The following SPIDR variants were observed in gnomAD, a reference collection of about 807,000 sequenced individuals.
The protein encoded by SPIDR is DNA repair-scaffolding protein.
In SPIDR, 93 loss-of-function variants were observed where a neutral mutation model predicts 104.6. The ratio of observed to expected loss-of-function variants is 0.89; its 90% CI spans 0.75 to 1.06. The LOEUF is 1.06. Among genes scored for constraint, SPIDR ranks in the 50% least tolerant of loss-of-function variants. SPIDR has a pLI of 0.00. For missense variants in SPIDR, 1,154 were observed against 1,111.2 expected, an observed-to-expected ratio of 1.04 and a Z score of -0.55; for synonymous variants, 431 against 416.9, an observed-to-expected ratio of 1.03 and a Z score of -0.41.
intron 8 of SPIDR, among the ~76,000 whole-genome samples, chr8:47,586,513 T>C (rs1000351758): frequency 6.6e-6 from 1 of 152,256 alleles, no homozygotes; most frequent in Non-Finnish European, 1.5e-5. Flanking sequence ...CTTGTGCTAA[T>C]GTGCCATTTA....
intron 8 of SPIDR, among the ~76,000 whole-genome samples, chr8:47,545,739 C>T (rs1301866343): frequency 1.3e-5 from 2 of 151,924 alleles, no homozygotes; most frequent in Admixed American, 6.6e-5. Context: ...TCAGTCTTTC[C>T]CCAATAAATA....
chr8:47,653,926 A>G (rs2072184322), intron 10 of SPIDR: 1 of 958,710 alleles, frequency 1.0e-6, no homozygotes, highest in African/African-American at 1.8e-5. Context: ...CACTATGGGA[A>G]TAAGAGAAGT....
At chr8:47,495,673 C>T (rs1344191553) in intron 8 of SPIDR, among the ~76,000 whole-genome samples, 1 of 152,042 alleles carries the variant, frequency 6.6e-6, no homozygotes, top group Admixed American at 6.6e-5. Context: ...AGTTTTAGCT[C>T]TTCCTTTTAG....
In SPIDR at chr8:47,519,123, T is replaced by TTTGTTGTTGTTGTTG. The variant is rs371410579; in HGVS notation, c.1098-76667_1098-76653dup. Among the ~76,000 whole-genome samples the TTTGTTGTTGTTGTTG allele has an allele frequency of 3.3e-5, 5 of 151,098 alleles. No individual in the cohort carries two copies. The East Asian group carries it at 9.8e-4, about 30-fold the overall frequency. On this transcript the variant is annotated intron_variant, in intron 8 of 19. Coordinates refer to ENST00000297423, the MANE Select transcript of SPIDR (RefSeq NM_001080394.4). ...ACAGTTCTCTGACCTGGCTATGTGT[T>TTTGTTGTTGTTGTTG]TTGTTGTTGTTGTTGTTGTTGTTGT...
intron 6 of SPIDR, among the ~76,000 whole-genome samples, chr8:47,406,758 A>C (rs1339779166): frequency 6.6e-6 from 1 of 152,198 alleles, no homozygotes; most frequent in East Asian, 1.9e-4. Flanking sequence ...CACGTGCTGC[A>C]CTAAGTCCAT....
intron 8 of SPIDR, among the ~76,000 whole-genome samples, chr8:47,536,653 T>C (rs1259047576): frequency 6.6e-6 from 1 of 152,178 alleles, no homozygotes; most frequent in Non-Finnish European, 1.5e-5. Context: ...TGTGAAACTA[T>C]AAAACTAGAA....
At chr8:47,571,888 T>C (rs559384899) in intron 8 of SPIDR, among the ~76,000 whole-genome samples, 11 of 152,302 alleles carry the variant, frequency 7.2e-5, no homozygotes, top group African/African-American at 2.2e-4. Flanking sequence ...TACCTTGGTG[T>C]TCTGAGGATA....
intron 5 of SPIDR, among the ~76,000 whole-genome samples, chr8:47,364,744 CA>C (rs370937453): frequency 3.0e-4 from 45 of 151,678 alleles, no homozygotes; most frequent in African/African-American, 1.1e-3. Context: ...CCTGATAATC[CA>C]AAAAAAAGTC....
chr8:47,506,430 T>C (rs2081489674), intron 8 of SPIDR, among the ~76,000 whole-genome samples: 1 of 152,210 alleles, frequency 6.6e-6, no homozygotes, highest in East Asian at 1.9e-4. Flanking sequence ...GTGCAGGTTC[T>C]CAGGGTGATC....
chr8:47,485,551 C>G (rs1389019793), intron 8 of SPIDR, among the ~76,000 whole-genome samples: 1 of 152,250 alleles, frequency 6.6e-6, no homozygotes. Flanking sequence ...GACAGACTGC[C>G]TCCTCAAGTG....
chr8:47,698,196 A>G (rs1589291565), intron 11 of SPIDR, among the ~76,000 whole-genome samples: 1 of 152,284 alleles, frequency 6.6e-6, no homozygotes, highest in East Asian at 1.9e-4. Context: ...AAGACAGACT[A>G]ATGGTGGCCA....
chr8:47,606,874 TGGAGACAG>T (rs1313933558), intron 10 of SPIDR, among the ~76,000 whole-genome samples: 1 of 152,216 alleles, frequency 6.6e-6, no homozygotes, highest in Non-Finnish European at 1.5e-5. Flanking sequence ...TTTCTCTGTA[TGGAGACAG>T]GGTGGCATAC....
At chr8:47,477,188 TAGA>T in intron 8 of SPIDR, among the ~76,000 whole-genome samples, 1 of 151,952 alleles carries the variant, frequency 6.6e-6, no homozygotes, top group Non-Finnish European at 1.5e-5. Flanking sequence ...AGTCTGTATA[TAGA>T]AGATGCGCAA....
At chr8:47,421,562 G>C (rs1554680700) in intron 7 of SPIDR, among the ~76,000 whole-genome samples, 2 of 152,086 alleles carry the variant, frequency 1.3e-5, no homozygotes, top group African/African-American at 4.8e-5. Context: ...TGAACTTCCT[G>C]CTTTAGCTCG....
intron 19 of SPIDR, 122 bp from the exon 20 acceptor site, chr8:47,735,185 A>G: frequency 1.2e-6 from 1 of 820,830 alleles, no homozygotes; most frequent in Non-Finnish European, 2.0e-6. Context: ...CAGCCATTTG[A>G]GGAGTGGAAG....
At chr8:47,508,245 G>A (rs1377549540) in intron 8 of SPIDR, among the ~76,000 whole-genome samples, 1 of 152,174 alleles carries the variant, frequency 6.6e-6, no homozygotes, top group Non-Finnish European at 1.5e-5. Context: ...ACAGTGCTCA[G>A]GCAAGATGGT....
chr8:47,347,859 G>A (rs1362046208), intron 5 of SPIDR, among the ~76,000 whole-genome samples: 7 of 152,118 alleles, frequency 4.6e-5, no homozygotes, highest in Admixed American at 4.6e-4. Flanking sequence ...AGGTGAGTTG[G>A]GTCTCCTGAA....
At chr8:47,725,014 AAG>A (rs1406450915) in intron 16 of SPIDR, among the ~76,000 whole-genome samples, 1 of 152,138 alleles carries the variant, frequency 6.6e-6, no homozygotes, top group African/African-American at 2.4e-5. Flanking sequence ...TCTCTGTGGA[AAG>A]AGGGGTGAAG....
At chr8:47,727,352 A>C in intron 17 of SPIDR, 59 bp downstream of exon 17, 2 of 1,529,444 alleles carry the variant, frequency 1.3e-6, no homozygotes, top group Non-Finnish European at 1.8e-6. Flanking sequence ...GAAGCAACCC[A>C]GCCCCAGAAC....
Sources: gnomAD v4.1 joint callset for allele counts (sites outside exome capture counted in the v4.1 genomes callset) on GRCh38, gnomAD v4.1.1 for gene constraint, MANE v1.5 for transcripts, NCBI Gene and HGNC (gene_info 2026-07-23, HGNC 2026-07-21) for gene names.